KY: variants seen among roughly 807,000 people sequenced by gnomAD.
KY encodes the protein kyphoscoliosis peptidase.
A neutral mutation model predicts 76.1 loss-of-function variants in KY; 43 were observed. The observed-to-expected ratio is 0.57, with a 90% CI of 0.44 to 0.73. The LOEUF (loss-of-function observed/expected upper bound fraction) is 0.73, where lower values mean the gene tolerates loss of function less well. KY is among the 30% of genes least tolerant of loss of function. KY has a pLI of 0.00. For synonymous variants in KY, 277 were observed against 326.2 expected (o/e 0.85, Z 1.63); for missense variants, 722 against 828.9 (o/e 0.87, Z 1.58).
intron 2 of KY, among the ~76,000 whole-genome samples, chr3:134,646,978 T>A (rs1966515765): frequency 6.6e-6 from 1 of 152,210 alleles, no homozygotes; most frequent in African/African-American, 2.4e-5. Context: ...AGCTGACTTC[T>A]TATTGTATTT....
rs958651703 is a variant in KY, at chr3:134,601,942, G to A, written c.*1637C>T. Among the ~76,000 whole-genome samples, 109 of 152,306 alleles carry A rather than the reference G, an allele frequency of 7.2e-4. No individual in the cohort carries two copies. The highest frequency in any genetic ancestry group is 2.6e-4 in the Non-Finnish European group (18 of 68,030). On this transcript the variant is annotated 3_prime_UTR_variant, in exon 11 of 11. Transcript: ENST00000423778. ...CCCTGTACTCTGGATGGCAGGGGCC[G>A]GGCCCCCTTGGTTCACCTCTGTAGC... is the stretch of plus-strand genomic sequence containing the variant.
At chr3:134,613,327 C>T (rs1186349191) in intron 8 of KY, 2 of 152,686 alleles carry the variant, frequency 1.3e-5, no homozygotes, top group Admixed American at 6.5e-5. Flanking sequence ...GGGGGACATC[C>T]TGCCCTCAAG....
chr3:134,646,110 T>C (rs963041071), intron 2 of KY, among the ~76,000 whole-genome samples: 2 of 152,198 alleles, frequency 1.3e-5, no homozygotes, highest in Admixed American at 6.5e-5. Flanking sequence ...ATGCATACCT[T>C]CCATGCCCTG....
At chr3:134,618,946 G>A (rs763157545) in intron 8 of KY, among the ~76,000 whole-genome samples, 5 of 152,156 alleles carry the variant, frequency 3.3e-5, no homozygotes, top group South Asian at 4.1e-4. Flanking sequence ...TTAATGCATC[G>A]CGAAGCCCGG....
Position 134,650,865 on chromosome 3 carries a change from G to A in KY, c.96C>T (p.Asp32=), listed in dbSNP as rs764636451. The A allele has an allele frequency of 6.2e-7, 1 of 1,611,836 alleles. No homozygotes were observed. The highest frequency in any genetic ancestry group is 8.5e-7 in the Non-Finnish European group (1 of 1,178,972). The change falls in exon 1 of 11, where the codon GAC becomes GAT. Residue 32 remains aspartate (D), a synonymous_variant. Coordinates refer to ENST00000423778, the MANE Select transcript of KY (RefSeq NM_178554.6). ...KRRAAQGTLS[D]QQANPSSLLQ... ...GCAGCGAGCTCGGGTTCGCCTGCTG[G>A]TCTGAGAGCGTACCCTGTGCGGCGC...
At chr3:134,621,955 TA>T (rs914427091) in intron 6 of KY, among the ~76,000 whole-genome samples, 6 of 151,632 alleles carry the variant, frequency 4.0e-5, no homozygotes, top group African/African-American at 9.7e-5. Flanking sequence ...AATAAGCACA[TA>T]AAAAAAAGCT....
At chr3:134,643,238 C>G in intron 3 of KY, 78 bp downstream of exon 3, 2 of 1,417,984 alleles carry the variant, frequency 1.4e-6, no homozygotes, top group Non-Finnish European at 2.0e-6. Flanking sequence ...GCTCCACATC[C>G]TGGGCTGTCG....
intron 10 of KY, chr3:134,606,952 C>G: frequency 4.1e-6 from 4 of 985,332 alleles, no homozygotes; most frequent in Non-Finnish European, 4.8e-6. Context: ...TTCCCCTCCC[C>G]TCTCTTAACA....
chr3:134,612,743 C>T (rs897957386), intron 8 of KY, among the ~76,000 whole-genome samples: 4 of 126,382 alleles, frequency 3.2e-5, no homozygotes, highest in Non-Finnish European at 6.7e-5. Flanking sequence ...CACAATGTCA[C>T]GCCGATGCTG....
chr3:134,627,630 G>T, intron 5 of KY, 126 bp downstream of exon 5: 3 of 774,026 alleles, frequency 3.9e-6, no homozygotes, highest in South Asian at 3.1e-5. Flanking sequence ...TTCCCCTCCT[G>T]AACCCAAAGG....
intron 1 of KY, 102 bp from the exon 2 acceptor site, chr3:134,647,599 C>T (rs1162905347): frequency 3.0e-6 from 2 of 672,388 alleles, no homozygotes; most frequent in African/African-American, 3.7e-5. Flanking sequence ...TGGATCTTGG[C>T]TCTCTTGGAA....
intron 10 of KY, 133 bp from the exon 11 acceptor site, chr3:134,604,607 A>AC: frequency 1.4e-6 from 1 of 736,060 alleles, no homozygotes; most frequent in Non-Finnish European, 2.2e-6. Flanking sequence ...CGGTGTTAAT[A>AC]CTTTCACCAC....
chr3:134,617,611 G>T (rs1961798857), intron 8 of KY, among the ~76,000 whole-genome samples: 2 of 152,026 alleles, frequency 1.3e-5, no homozygotes, highest in African/African-American at 4.8e-5. Flanking sequence ...TTTCTTTTTT[G>T]CTTTAGTGCA....
intron 6 of KY, 102 bp downstream of exon 6, chr3:134,624,951 C>T: frequency 9.8e-7 from 1 of 1,016,000 alleles, no homozygotes. Flanking sequence ...CCAACCAAGC[C>T]ACTCAGGATA....
chr3:134,612,753 G>A (rs1960731255), intron 8 of KY, among the ~76,000 whole-genome samples: 1 of 122,192 alleles, frequency 8.2e-6, no homozygotes, highest in South Asian at 2.5e-4. Context: ...CGCCGATGCT[G>A]TGTGTGTGTG....
intron 1 of KY, among the ~76,000 whole-genome samples, chr3:134,649,805 G>A (rs986305707): frequency 6.6e-6 from 1 of 152,220 alleles, no homozygotes; most frequent in Non-Finnish European, 1.5e-5. Flanking sequence ...CAAGGCAGGT[G>A]GAAGGTGGAT....
At chr3:134,638,191 G>C (rs774248805) in intron 3 of KY, among the ~76,000 whole-genome samples, 11 of 152,222 alleles carry the variant, frequency 7.2e-5, no homozygotes, top group Admixed American at 5.9e-4. Context: ...GGCTGGACAC[G>C]CTGTTTCAAG....
At chr3:134,643,406 A>T in intron 2 of KY, 28 bp from the exon 3 acceptor site, 1 of 1,602,346 alleles carries the variant, frequency 6.2e-7, no homozygotes, top group Non-Finnish European at 8.5e-7. Flanking sequence ...AGAGGCCTGC[A>T]GTGACCACTG....
In KY at chr3:134,650,940, G is replaced by C. The variant is rs1379769567; in HGVS notation, c.21C>G (p.Ile7Met). Residue 7 changes from isoleucine (I) to methionine (M), a missense_variant, in exon 1 of 11, where the codon ATC becomes ATG. Ile to Met is a conservative substitution (Grantham distance 10). Around this residue, in one of 2 missense-constraint regions of KY, gnomAD observed 170 missense variants for 148.1 expected, o/e 1.15. Coordinates refer to ENST00000423778, the MANE Select transcript of KY (RefSeq NM_178554.6). The part of the protein sequence containing the change: MELKKD[I>M]NAVSIDMLLI... ...GCAGCATGTCGATAGATACAGCGTT[G>C]ATGTCCTTCTTCAGCTCCATGATGC... 5.6e-6 allele frequency: 9 copies of C among 1,613,204 alleles called. No individual in the cohort carries two copies. The African/African-American group carries it at 1.1e-4, about 19-fold the overall frequency.
Sources: gnomAD v4.1 joint callset for allele counts (sites outside exome capture counted in the v4.1 genomes callset) on GRCh38, gnomAD v4.1.1 for gene constraint, gnomAD v4.1.1 regional missense constraint, MANE v1.5 for transcripts, NCBI Gene and HGNC (gene_info 2026-07-23, HGNC 2026-07-21) for gene names.